PDCD2L: variants seen among roughly 807,000 people sequenced by gnomAD.
PDCD2L encodes the protein uS5 assembly chaperone PDCD2L.
Under a neutral mutation model 40.4 loss-of-function variants are expected in PDCD2L, and 44 were observed. That is an observed-to-expected ratio of 1.09 (90% CI 0.86 to 1.40). PDCD2L has a LOEUF of 1.40. Among genes scored for constraint, PDCD2L ranks in the 40% most tolerant of loss-of-function variants. The pLI is 0.00. For missense variants in PDCD2L, 470 were observed against 453.7 expected, an observed-to-expected ratio of 1.04 and a Z score of -0.33; for synonymous variants, 194 against 174.6, an observed-to-expected ratio of 1.11 and a Z score of -0.88.
chr19:34,409,966 C>A (rs914082069), intron 4 of PDCD2L, among the ~76,000 whole-genome samples: 12 of 147,836 alleles, frequency 8.1e-5, no homozygotes, highest in African/African-American at 2.9e-4. Context: ...ATCCTCAATT[C>A]TGTAAAATGA....
chr19:34,408,546 G>A (rs1422395924), intron 3 of PDCD2L, among the ~76,000 whole-genome samples: 1 of 152,154 alleles, frequency 6.6e-6, no homozygotes, highest in Non-Finnish European at 1.5e-5. Flanking sequence ...TAAGTGGATA[G>A]GCTGAAGGAG....
chr19:34,411,163 T>C (rs12974424), intron 4 of PDCD2L, among the ~76,000 whole-genome samples: 1 of 118,130 alleles, frequency 8.5e-6, no homozygotes, highest in African/African-American at 4.0e-5. Context: ...AGTATTCTTC[T>C]TTTTTTTTTT....
rs750174555 is a variant in PDCD2L, at chr19:34,409,223, T to C, written c.399T>C (p.Asp133=). 4 of 1,614,192 alleles carry C rather than the reference T, an allele frequency of 2.5e-6. No individual in the cohort carries two copies. Among genetic ancestry groups the C allele is most frequent in the South Asian group, 1.1e-5 (1 of 91,084 alleles). Residue 133 remains aspartate, a synonymous_variant, in exon 4 of 7, where the codon GAT becomes GAC. Transcript: ENST00000246535. ...WCEGADDWGS[D]TEEGPSPQFT... ...AAGGTGCTGATGACTGGGGAAGTGA[T>C]ACTGAGGAGGGGCCTTCACCACAGT...
rs1260455937 is a variant in PDCD2L at position 34,404,436 on chromosome 19, G to T, written c.6G>T (p.Ala2=). 1 of 1,542,414 alleles carries T rather than the reference G, an allele frequency of 6.5e-7. No homozygotes were observed. The highest frequency in any genetic ancestry group is 2.4e-5 in the East Asian group (1 of 40,820). M[A]AVLKPVLLGL... is the part of the protein sequence containing the mutation. ...CACCTGGTCGCCCGGCGGCCATGGC[G>T]GCCGTTCTGAAGCCGGTGCTGCTGG... The change falls in exon 1 of 7, where the codon GCG becomes GCT. Residue 2 remains alanine, a synonymous_variant. Coordinates refer to ENST00000246535, the MANE Select transcript of PDCD2L (RefSeq NM_032346.2).
intron 5 of PDCD2L, among the ~76,000 whole-genome samples, chr19:34,417,255 G>A (rs1267144798): frequency 6.6e-6 from 1 of 152,154 alleles, no homozygotes; most frequent in Non-Finnish European, 1.5e-5. Context: ...TGTATGAATC[G>A]GAAATTGAAT....
intron 6 of PDCD2L, among the ~76,000 whole-genome samples, chr19:34,424,447 A>G (rs921207519): frequency 6.6e-6 from 1 of 152,212 alleles, no homozygotes; most frequent in African/African-American, 2.4e-5. Context: ...GTTTTAGAGC[A>G]AGAACGAAAG....
At chr19:34,420,147 C>T (rs1423808853) in intron 5 of PDCD2L, among the ~76,000 whole-genome samples, 4 of 151,804 alleles carry the variant, frequency 2.6e-5, no homozygotes, top group African/African-American at 2.4e-5. Context: ...CCTGCCACTA[C>T]GCCCGGCTAA....
intron 4 of PDCD2L, among the ~76,000 whole-genome samples, chr19:34,411,278 T>C (rs533682529): frequency 6.7e-6 from 1 of 149,860 alleles, no homozygotes; most frequent in African/African-American, 2.5e-5. Flanking sequence ...CTTGCTCTGT[T>C]GCCCAGGTTG....
intron 5 of PDCD2L, among the ~76,000 whole-genome samples, chr19:34,418,513 A>G (rs115811211): frequency 0.013 from 1,989 of 152,232 alleles, 45 homozygotes; most frequent in African/African-American, 0.045. Flanking sequence ...ATGTGCCACT[A>G]TACATTTACC....
intron 5 of PDCD2L, among the ~76,000 whole-genome samples, chr19:34,419,924 A>G (rs1160620548): frequency 6.6e-6 from 1 of 151,612 alleles, no homozygotes; most frequent in Non-Finnish European, 1.5e-5. Flanking sequence ...CTGGGACCAC[A>G]GGCGTGCACC....
At chr19:34,418,283 G>A (rs2075134667) in intron 5 of PDCD2L, among the ~76,000 whole-genome samples, 1 of 152,150 alleles carries the variant, frequency 6.6e-6, no homozygotes, top group African/African-American at 2.4e-5. Flanking sequence ...GCAAGTTCTT[G>A]CCTACCCTGT....
chr19:34,425,806 C>G (rs542448426), intron 6 of PDCD2L, among the ~76,000 whole-genome samples, 184 bp from the exon 7 acceptor site: 1 of 152,042 alleles, frequency 6.6e-6, no homozygotes, highest in African/African-American at 2.4e-5. Context: ...ATTAATTTTG[C>G]TTTTTTGTTA....
intron 6 of PDCD2L, among the ~76,000 whole-genome samples, chr19:34,424,397 C>A (rs902205547): frequency 6.6e-6 from 1 of 151,932 alleles, no homozygotes; most frequent in Non-Finnish European, 1.5e-5. Context: ...GAGGAGAGAC[C>A]GAAGCAAATT....
intron 3 of PDCD2L, 148 bp downstream of exon 3, chr19:34,405,138 G>A (rs1244243332): frequency 7.1e-6 from 3 of 424,884 alleles, no homozygotes; most frequent in African/African-American, 2.3e-5. Context: ...TGCTATTTTC[G>A]TAAAGTTTTT....
intron 6 of PDCD2L, among the ~76,000 whole-genome samples, chr19:34,422,710 T>TA (rs1258063217): frequency 6.6e-6 from 1 of 151,914 alleles, no homozygotes; most frequent in African/African-American, 2.4e-5. Flanking sequence ...TACTGGATTT[T>TA]TTTTTTTTTC....
intron 6 of PDCD2L, among the ~76,000 whole-genome samples, chr19:34,424,549 G>A (rs2075167134): frequency 6.6e-6 from 1 of 152,016 alleles, no homozygotes; most frequent in South Asian, 2.1e-4. Flanking sequence ...TACTTCCTGG[G>A]TCTTGGGTTA....
At chr19:34,412,207 A>G (rs1374450748) in intron 4 of PDCD2L, among the ~76,000 whole-genome samples, 1 of 151,158 alleles carries the variant, frequency 6.6e-6, no homozygotes, top group Non-Finnish European at 1.5e-5. Flanking sequence ...TTTAGTAGAG[A>G]CAGGGTTTCA....
At chr19:34,415,041 T>G (rs1249275238) in intron 5 of PDCD2L, among the ~76,000 whole-genome samples, 1 of 152,152 alleles carries the variant, frequency 6.6e-6, no homozygotes, top group Non-Finnish European at 1.5e-5. Flanking sequence ...CAAGTGATCC[T>G]CCTGCCACGG....
chr19:34,420,199 C>G (rs960792740), intron 5 of PDCD2L, among the ~76,000 whole-genome samples: 3 of 151,870 alleles, frequency 2.0e-5, no homozygotes, highest in East Asian at 3.9e-4. Context: ...CCATGTTGGC[C>G]AAGCTGATCT....
Sources: gnomAD v4.1 joint callset for allele counts (sites outside exome capture counted in the v4.1 genomes callset) on GRCh38, gnomAD v4.1.1 for gene constraint, MANE v1.5 for transcripts, NCBI Gene and HGNC (gene_info 2026-07-23, HGNC 2026-07-21) for gene names.